Variants in LINGO2 observed in about 807,000 individuals in gnomAD.
The protein encoded by LINGO2 is leucine-rich repeat and immunoglobulin-like domain-containing nogo receptor-interacting protein 2.
In LINGO2, 14 loss-of-function variants were observed where a neutral mutation model predicts 30.6. The ratio of observed to expected loss-of-function variants is 0.46; its 90% CI spans 0.30 to 0.72. LINGO2 has a LOEUF of 0.72. Among genes scored for constraint, LINGO2 ranks in the 30% least tolerant of loss-of-function variants. The pLI is 0.07. For missense variants in LINGO2, 729 were observed against 751.7 expected (o/e 0.97, Z 0.35); for synonymous variants, 317 against 288.5 (o/e 1.10, Z -1.00).
At chr9:28,113,930 C>G (rs1423522379) in intron 4 of LINGO2, among the ~76,000 whole-genome samples, 3 of 50,514 alleles carry the variant, frequency 5.9e-5, no homozygotes, top group African/African-American at 1.6e-4. Context: ...TTGCCCTGGC[C>G]AGAACTTCCA....
the LINGO2 span, among the ~76,000 whole-genome samples, chr9:28,991,173 A>G: frequency 6.6e-6 from 1 of 152,132 alleles, no homozygotes; most frequent in African/African-American, 2.4e-5. Flanking sequence ...TGCTTAAAGG[A>G]GCTGATGGAG....
chr9:28,714,874 A>G, the LINGO2 span, among the ~76,000 whole-genome samples: 2 of 152,174 alleles, frequency 1.3e-5, no homozygotes, highest in South Asian at 4.1e-4. Flanking sequence ...TCAAATTTCT[A>G]CCATGAAAGT....
intron 4 of LINGO2, among the ~76,000 whole-genome samples, chr9:28,143,843 T>C (rs1827740892): frequency 6.6e-6 from 1 of 152,116 alleles, no homozygotes; most frequent in African/African-American, 2.4e-5. Context: ...TCTCAAGAAA[T>C]ATTTTAATCC....
chr9:28,839,037 G>A, the LINGO2 span, among the ~76,000 whole-genome samples: 17 of 152,328 alleles, frequency 1.1e-4, no homozygotes, highest in Non-Finnish European at 1.8e-4. Flanking sequence ...ATGAGGTGGC[G>A]CCTGGAAACT....
chr9:28,384,367 T>C (rs961431319), intron 2 of LINGO2, among the ~76,000 whole-genome samples: 1 of 114,766 alleles, frequency 8.7e-6, no homozygotes, highest in African/African-American at 2.9e-5. Context: ...GTATGTGTGA[T>C]TTTTTAACTT....
the LINGO2 span, among the ~76,000 whole-genome samples, chr9:29,076,379 A>G: frequency 6.6e-6 from 1 of 151,796 alleles, no homozygotes; most frequent in Non-Finnish European, 1.5e-5. Context: ...ACTGACTGTT[A>G]TTAACATAAT....
chr9:29,185,748 T>TCCATGA, the LINGO2 span, among the ~76,000 whole-genome samples: 1 of 152,202 alleles, frequency 6.6e-6, no homozygotes, highest in Non-Finnish European at 1.5e-5. Flanking sequence ...TGACCAGTGC[T>TCCATGA]CCTTCCACAT....
chr9:27,995,100 A>T (rs973738293), intron 5 of LINGO2, among the ~76,000 whole-genome samples: 1 of 152,188 alleles, frequency 6.6e-6, no homozygotes, highest in African/African-American at 2.4e-5. Context: ...ATCATTAGAG[A>T]ATCGTGTGCA....
intron 3 of LINGO2, among the ~76,000 whole-genome samples, chr9:28,312,074 T>C (rs1398658192): frequency 6.6e-6 from 1 of 152,168 alleles, no homozygotes; most frequent in African/African-American, 2.4e-5. Flanking sequence ...TAAGGCTTCT[T>C]CTGAAATTAG....
At chr9:28,959,099 A>G in the LINGO2 span, among the ~76,000 whole-genome samples, 2 of 152,102 alleles carry the variant, frequency 1.3e-5, no homozygotes, top group Non-Finnish European at 2.9e-5. Flanking sequence ...CCCTGCATGT[A>G]CTGCTCATGT....
chr9:28,105,089 CTT>C (rs955200442), intron 4 of LINGO2, among the ~76,000 whole-genome samples: 3 of 152,118 alleles, frequency 2.0e-5, no homozygotes, highest in Admixed American at 2.0e-4. Flanking sequence ...GATTGGCACA[CTT>C]TATTCTCTGT....
chr9:28,106,828 T>C (rs1164909634), intron 4 of LINGO2, among the ~76,000 whole-genome samples: 1 of 152,180 alleles, frequency 6.6e-6, no homozygotes, highest in African/African-American at 2.4e-5. Flanking sequence ...GAGAATTACA[T>C]AAAATAGCAC....
intron 3 of LINGO2, among the ~76,000 whole-genome samples, chr9:28,306,695 G>C (rs1277958952): frequency 6.6e-6 from 1 of 152,096 alleles, no homozygotes; most frequent in Non-Finnish European, 1.5e-5. Context: ...GACTAACAAA[G>C]AAGAAAAGAG....
At chr9:28,577,799 C>A (rs1277620366) in intron 1 of LINGO2, among the ~76,000 whole-genome samples, 2 of 152,098 alleles carry the variant, frequency 1.3e-5, no homozygotes, top group African/African-American at 2.4e-5. Context: ...TAGCACAAGG[C>A]AATATGGAGC....
At chr9:28,303,090 A>G (rs10125971) in intron 3 of LINGO2, among the ~76,000 whole-genome samples, 12,315 of 152,140 alleles carry the variant, frequency 0.081, 1,626 homozygotes, top group African/African-American at 0.28. Context: ...TTCTTTCTCT[A>G]TTTCTAATAG....
At chr9:27,952,941 C>A (rs1404079452) in intron 5 of LINGO2, among the ~76,000 whole-genome samples, 1 of 151,864 alleles carries the variant, frequency 6.6e-6, no homozygotes, top group African/African-American at 2.4e-5. Flanking sequence ...CATGTGATTG[C>A]TAAACTGGAG....
At chr9:27,978,987 T>G (rs1181333296) in intron 5 of LINGO2, among the ~76,000 whole-genome samples, 1 of 152,050 alleles carries the variant, frequency 6.6e-6, no homozygotes, top group Non-Finnish European at 1.5e-5. Context: ...AGTTCAAGGC[T>G]CAGAGAAGTT....
At chr9:28,479,908 T>A (rs1396526745) in intron 1 of LINGO2, among the ~76,000 whole-genome samples, 1 of 69,424 alleles carries the variant, frequency 1.4e-5, no homozygotes, top group Non-Finnish European at 3.1e-5. Context: ...TATATATACG[T>A]AGGTATATAT....
intron 4 of LINGO2, among the ~76,000 whole-genome samples, chr9:28,179,932 A>C (rs1000466230): frequency 6.6e-6 from 1 of 152,042 alleles, no homozygotes; most frequent in African/African-American, 2.4e-5. Context: ...TCTTCAGATA[A>C]ACCTCTGAAG....
Sources: allele counts gnomAD v4.1 joint callset (sites outside exome capture counted in the v4.1 genomes callset), GRCh38; gene constraint gnomAD v4.1.1; transcripts MANE v1.5; gene names NCBI Gene and HGNC (gene_info 2026-07-23, HGNC 2026-07-21).